Variants in SLC25A19 observed in about 807,000 individuals in gnomAD.
SLC25A19 encodes mitochondrial thiamine pyrophosphate carrier.
SLC25A19 carries 18 observed loss-of-function variants against 27.9 expected under a neutral mutation model. The observed-to-expected ratio is 0.64, with a 90% confidence interval of 0.45 to 0.96. The LOEUF is 0.96. Ranked by LOEUF, SLC25A19 falls within the 40% of genes least tolerant of loss-of-function variation. SLC25A19 has a pLI of 0.00. For synonymous variants in SLC25A19, 169 were observed against 167.1 expected (o/e 1.01, Z -0.09); for missense variants, 371 against 418.3 (o/e 0.89, Z 0.99).
Position 75,286,452 on chromosome 17 carries a change from T to C in SLC25A19, c.140A>G (p.His47Arg). Residue 47 changes from histidine to arginine, a missense_variant, in exon 4 of 8, where the codon CAT becomes CGT. Physicochemically the swap from His to Arg is conservative, Grantham distance 29. Transcript: ENST00000416858. Reference protein sequence around the residue: ...DVIKIRFQLQHERLSRSDPSA... With the variant: ...DVIKIRFQLQRERLSRSDPSA... ...GGGGTCACTGCGAGACAGGCGCTCA[T>C]GCTGAAGCTAGGAATCAAAATAAAA... The C allele has an allele frequency of 6.2e-7, 1 of 1,613,972 alleles. No homozygotes were observed. Among genetic ancestry groups the C allele is most frequent in the Non-Finnish European group, 8.5e-7 (1 of 1,179,894 alleles).
chr17:75,284,882 ATCT>A (rs1376790739), intron 4 of SLC25A19, among the ~76,000 whole-genome samples: 1 of 151,858 alleles, frequency 6.6e-6, no homozygotes, highest in African/African-American at 2.4e-5. Context: ...AGCTCAAGCA[ATCT>A]GCCCGCCTTG....
rs67040059 is a variant in SLC25A19 at position 75,274,973 on chromosome 17, CTTTTTTTTTTTTTTT to C, written c.775-1349_775-1335del. On this transcript the variant is annotated intron_variant, in intron 7 of 7. Transcript: ENST00000416858. ...TAGTGAAATTACAAGGGATTTTGGT[CTTTTTTTTTTTTTTT>C]TTTTTTTTTTTTTTTTTTGAGACAG... is the stretch of plus-strand genomic sequence containing the variant. Among the ~76,000 whole-genome samples, 47 of 47,194 alleles carry C rather than the reference CTTTTTTTTTTTTTTT, an allele frequency of 1.0e-3. 1 individual carries two copies. The East Asian group carries it at 0.012, about 12-fold the overall frequency. 31.0% of individuals were successfully genotyped at this position (47,194 alleles called of 152,430 possible). A position where few individuals can be genotyped will look rare whatever the true frequency, so the allele number is the denominator to read the frequency against.
intron 7 of SLC25A19, among the ~76,000 whole-genome samples, chr17:75,274,767 T>C (rs2077823927): frequency 6.6e-6 from 1 of 151,622 alleles, no homozygotes; most frequent in Non-Finnish European, 1.5e-5. Flanking sequence ...CAGAGCGATA[T>C]CCCATTTAAA....
At chr17:75,275,931 A>G (rs1416868485) in intron 7 of SLC25A19, among the ~76,000 whole-genome samples, 2 of 152,078 alleles carry the variant, frequency 1.3e-5, no homozygotes, top group East Asian at 3.9e-4. Context: ...AGATCACGCC[A>G]CTGCACTCCA....
chr17:75,276,043 G>A (rs1361378733), intron 7 of SLC25A19, among the ~76,000 whole-genome samples: 1 of 151,938 alleles, frequency 6.6e-6, no homozygotes, highest in Admixed American at 6.6e-5. Flanking sequence ...GGAGGCCGAG[G>A]CAGGTGGATC....
In SLC25A19 at chr17:75,286,286, A is replaced by G. The variant is rs767908469; in HGVS notation, c.288+18T>C. The G allele has an allele frequency of 3.1e-6, 5 of 1,613,070 alleles. No individual in the cohort carries two copies. Among genetic ancestry groups the G allele is most frequent in the Non-Finnish European group, 4.2e-6 (5 of 1,179,972 alleles). ...GCAACGTGACCCCAGAGGTCTGGCC[A>G]GGTCCCTTGCCACCTACTTGGACAG... is the stretch of plus-strand genomic sequence containing the variant. On this transcript the variant is annotated intron_variant, in intron 4 of 7. Transcript: ENST00000416858.
chr17:75,281,286 G>A (rs2078033395), intron 5 of SLC25A19, among the ~76,000 whole-genome samples: 1 of 152,126 alleles, frequency 6.6e-6, no homozygotes, highest in Non-Finnish European at 1.5e-5. Context: ...ATATGTCCAG[G>A]AAACAGAGAT....
Position 75,283,403 on chromosome 17 carries a change from T to C in SLC25A19, c.459+20A>G. On this transcript the variant is annotated intron_variant, in intron 5 of 7. Coordinates refer to ENST00000416858, the MANE Select transcript of SLC25A19 (RefSeq NM_001126121.2). ...ACCTTCCTTATTTGGGCTTCCCCGG[T>C]CTGGCTCCTGGCCACTCACCTTGGG... is the stretch of plus-strand genomic sequence containing the variant. 6.2e-7 allele frequency: 1 copy of C among 1,610,892 alleles called. No individual in the cohort carries two copies. The highest frequency in any genetic ancestry group is 1.1e-5 in the South Asian group (1 of 90,672).
At chr17:75,275,058 A>G (rs1179268275) in intron 7 of SLC25A19, among the ~76,000 whole-genome samples, 1 of 128,196 alleles carries the variant, frequency 7.8e-6, no homozygotes, top group Non-Finnish European at 1.5e-5. Flanking sequence ...GTGTGATCAT[A>G]GCTCACTGCA....
intron 7 of SLC25A19, among the ~76,000 whole-genome samples, chr17:75,275,903 G>A (rs1277946782): frequency 6.6e-6 from 1 of 151,254 alleles, no homozygotes; most frequent in African/African-American, 2.4e-5. Flanking sequence ...CCAGGGAGGC[G>A]CAGGCTGCAG....
Position 75,278,855 on chromosome 17 carries a change from T to C in SLC25A19, c.460-520A>G, listed in dbSNP as rs1243622208. 2.7e-5 allele frequency among the ~76,000 whole-genome samples: 4 copies of C among 149,378 alleles called. No individual in the cohort carries two copies. In the East Asian group the frequency reaches 8.5e-4, roughly 32 times the overall value. ...AAAATTAGCTGGGGGTGGTGGCTCA[T>C]GCCTGTAATCCCAGCTTCTTGGGAG... is the stretch of plus-strand genomic sequence containing the variant. On this transcript the variant is annotated intron_variant, in intron 5 of 7. Coordinates refer to ENST00000416858, the MANE Select transcript of SLC25A19 (RefSeq NM_001126121.2).
chr17:75,289,130 G>C (rs116125756), intron 1 of SLC25A19: 3,762 of 152,310 alleles, frequency 0.025, 143 homozygotes, highest in African/African-American at 0.085. Context: ...TTTTCTCCTT[G>C]AGTCCGAGGG....
At chr17:75,286,946 A>AG in intron 2 of SLC25A19, 144 bp from the exon 3 acceptor site, 1 of 785,442 alleles carries the variant, frequency 1.3e-6, no homozygotes, top group Non-Finnish European at 2.0e-6. Context: ...TCATGCCTGT[A>AG]TCCCAGCACT....
intron 4 of SLC25A19, among the ~76,000 whole-genome samples, 175 bp downstream of exon 4, chr17:75,286,129 G>T (rs957892143): frequency 6.6e-6 from 1 of 152,242 alleles, no homozygotes; most frequent in Non-Finnish European, 1.5e-5. Flanking sequence ...ACATGGCGGA[G>T]GGCAATGCCT....
rs2145724229 is a variant in SLC25A19 at position 75,273,538 on chromosome 17, A to G, written c.876T>C (p.Ala292=). Residue 292 remains alanine (A), a synonymous_variant, in exon 8 of 8, where the codon GCT becomes GCC. Transcript: ENST00000416858. The stretch of plus-strand genomic sequence containing the variant: ...AGAACATGAAGCCTGTGGAGAGGGC[A>G]GCCTTCAGCAAGCTGGGGGACAGGC... The part of the protein sequence containing the change: ...FKGLSPSLLK[A]ALSTGFMFFS... 2 of 1,614,198 alleles carry G rather than the reference A, an allele frequency of 1.2e-6. No individual in the cohort carries two copies. Among genetic ancestry groups the G allele is most frequent in the East Asian group, 2.2e-5 (1 of 44,890 alleles).
At chr17:75,278,104 C>A (rs1342707897) in intron 6 of SLC25A19, 48 bp downstream of exon 6, 10 of 1,600,930 alleles carry the variant, frequency 6.2e-6, no homozygotes, top group Non-Finnish European at 8.5e-6. Context: ...AGGGGGTGTT[C>A]TGGTGGCTGG....
intron 5 of SLC25A19, among the ~76,000 whole-genome samples, chr17:75,281,303 G>A (rs984691946): frequency 2.0e-5 from 3 of 152,158 alleles, no homozygotes; most frequent in African/African-American, 4.8e-5. Flanking sequence ...AGATCATGGT[G>A]GGGAGGTCTA....
chr17:75,279,295 T>C (rs925084617), intron 5 of SLC25A19, among the ~76,000 whole-genome samples: 3 of 152,152 alleles, frequency 2.0e-5, no homozygotes, highest in Admixed American at 6.6e-5. Context: ...ACTGTCTTTG[T>C]AACCTTGATA....
intron 4 of SLC25A19, among the ~76,000 whole-genome samples, chr17:75,284,575 G>A (rs548839963): frequency 2.6e-5 from 4 of 151,964 alleles, no homozygotes; most frequent in African/African-American, 9.7e-5. Context: ...ATTCTTTTCT[G>A]GGGCAGATTC....
Sources: gnomAD v4.1 joint callset for allele counts (sites outside exome capture counted in the v4.1 genomes callset) on GRCh38, gnomAD v4.1.1 for gene constraint, MANE v1.5 for transcripts, NCBI Gene and HGNC (gene_info 2026-07-23, HGNC 2026-07-21) for gene names.